The following CD244 variants were observed in gnomAD, a reference collection of about 807,000 sequenced individuals.
CD244 encodes the protein natural killer cell receptor 2B4.
In CD244, 20 loss-of-function variants were observed where a neutral mutation model predicts 45.5. The observed-to-expected ratio is 0.44, with a 90% CI of 0.31 to 0.64. CD244 has a LOEUF of 0.64. Among genes scored for constraint, CD244 ranks in the 30% least tolerant of loss-of-function variants. CD244 has a pLI of 0.08. For missense variants in CD244, 407 were observed against 426.9 expected (o/e 0.95, Z 0.41); for synonymous variants, 185 against 160.5 (o/e 1.15, Z -1.15).
chr1:160,845,299 G>A (rs183858642), intron 1 of CD244, among the ~76,000 whole-genome samples: 3 of 152,192 alleles, frequency 2.0e-5, no homozygotes, highest in Admixed American at 2.0e-4. Context: ...CCATTGAAAA[G>A]AGAATTAGAA....
rs574139291 is a variant in CD244, at chr1:160,857,277, G to A, written c.61+5340C>T. Among the ~76,000 whole-genome samples, 200 of 152,272 alleles carry A rather than the reference G, an allele frequency of 1.3e-3. 5 individuals are homozygous for A. In the South Asian group the frequency reaches 0.03, roughly 23 times the overall value. ...GTTTGACAGCATCTGCTAGAGTTACGTACACATACTCCATGGTTCTGCCCC... is the reference window on the plus strand; with the variant it reads ...GTTTGACAGCATCTGCTAGAGTTACATACACATACTCCATGGTTCTGCCCC... On this transcript the variant is annotated intron_variant, in intron 1 of 8. Transcript: ENST00000368034.
Position 160,836,241 on chromosome 1 carries a change from G to A in CD244, c.848C>T (p.Thr283Ile), listed in dbSNP as rs758694341. 5 of 1,613,538 alleles carry A rather than the reference G, an allele frequency of 3.1e-6. No individual in the cohort carries two copies. The highest frequency in any genetic ancestry group is 1.7e-6 in the Non-Finnish European group (2 of 1,179,610). The stretch of plus-strand genomic sequence containing the variant: ...GATGGTGCTCCCCCCTCCAGGAAAA[G>A]TCTGCTCCTGCTCCTGCACAAGAAA... Reference protein sequence around the residue: ...KTRRNHEQEQTFPGGGSTIYS... With the variant: ...KTRRNHEQEQIFPGGGSTIYS... The change falls in exon 6 of 9, where the codon ACT becomes ATT. Residue 283 changes from threonine (T) to isoleucine (I), a missense_variant. Physicochemically the swap from Thr to Ile is moderately conservative, Grantham distance 89. Transcript: ENST00000368034.
Position 160,832,868 on chromosome 1 carries a change from G to C in CD244, c.961-293C>G, listed in dbSNP as rs892005790. On this transcript the variant is annotated intron_variant, in intron 7 of 8. Coordinates refer to ENST00000368034, the MANE Select transcript of CD244 (RefSeq NM_016382.4). ...AACCCATACACATATGTGTGTGTGT[G>C]TGTATATATATATATATATACACAC... 119 of 316,164 alleles carry C rather than the reference G, an allele frequency of 3.8e-4. No homozygotes were observed. In the East Asian group the frequency reaches 7.4e-3, roughly 20 times the overall value. The allele number at this position is 316,164 out of a possible 1,614,324, so 19.6% of individuals were successfully genotyped here.
intron 1 of CD244, chr1:160,848,599 C>G: frequency 5.6e-6 from 2 of 358,602 alleles, no homozygotes; most frequent in Non-Finnish European, 1.1e-5. Flanking sequence ...AGAATCTGAA[C>G]AGACAGGCCT....
intron 7 of CD244, among the ~76,000 whole-genome samples, chr1:160,832,960 CAT>C (rs1669188396): frequency 1.8e-3 from 48 of 26,612 alleles, no homozygotes; most frequent in Admixed American, 8.3e-4. Flanking sequence ...CACACATACA[CAT>C]ACACATACAC....
intron 1 of CD244, among the ~76,000 whole-genome samples, chr1:160,860,446 A>C (rs1254659319): frequency 7.0e-6 from 1 of 143,788 alleles, no homozygotes; most frequent in Non-Finnish European, 1.5e-5. Flanking sequence ...TTGGGTCAGC[A>C]AAAAAAAAAA....
At chr1:160,847,688 C>A (rs1451840764) in intron 1 of CD244, among the ~76,000 whole-genome samples, 1 of 151,982 alleles carries the variant, frequency 6.6e-6, no homozygotes, top group African/African-American at 2.4e-5. Context: ...ATAGCTAAGG[C>A]AGTGTTTAGA....
At chr1:160,855,060 G>A (rs1457855071) in intron 1 of CD244, among the ~76,000 whole-genome samples, 1 of 152,200 alleles carries the variant, frequency 6.6e-6, no homozygotes, top group Non-Finnish European at 1.5e-5. Context: ...CCTCAGCAGA[G>A]GCAAATGTGG....
At chr1:160,843,012 A>G (rs1039706958) in intron 1 of CD244, among the ~76,000 whole-genome samples, 1 of 152,172 alleles carries the variant, frequency 6.6e-6, no homozygotes, top group African/African-American at 2.4e-5. Flanking sequence ...GAGTTTTACA[A>G]GTGGCTCCGT....
chr1:160,831,679 C>T (rs1413791819), intron 8 of CD244, among the ~76,000 whole-genome samples: 1 of 152,218 alleles, frequency 6.6e-6, no homozygotes, highest in African/African-American at 2.4e-5. Context: ...TGGGTCTACA[C>T]AGTGCCCTCT....
At chr1:160,849,283 C>CTTTTTTTTTTTTTTTTT (rs371170555) in intron 1 of CD244, among the ~76,000 whole-genome samples, 6 of 139,326 alleles carry the variant, frequency 4.3e-5, no homozygotes, top group Non-Finnish European at 4.6e-5. Context: ...CCATCTCTTT[C>CTTTTTTTTTTTTTTTTT]TTTTTTTTTT....
chr1:160,841,165 G>T, intron 3 of CD244, 45 bp downstream of exon 3: 1 of 1,594,322 alleles, frequency 6.3e-7, no homozygotes, highest in East Asian at 2.2e-5. Flanking sequence ...TGGTTGCGGG[G>T]TCCAAACCTT....
At chr1:160,856,799 A>T (rs1262292756) in intron 1 of CD244, among the ~76,000 whole-genome samples, 1 of 152,220 alleles carries the variant, frequency 6.6e-6, no homozygotes, top group East Asian at 1.9e-4. Context: ...CACAGGCAAC[A>T]GAAGCAAAAT....
chr1:160,842,072 A>G (rs1343014164), intron 1 of CD244, among the ~76,000 whole-genome samples, 171 bp from the exon 2 acceptor site: 1 of 152,152 alleles, frequency 6.6e-6, no homozygotes, highest in East Asian at 1.9e-4. Flanking sequence ...CTTGTCCCCA[A>G]GCTCTGTGTC....
intron 1 of CD244, among the ~76,000 whole-genome samples, chr1:160,856,781 C>T (rs1331457801): frequency 6.6e-6 from 1 of 151,730 alleles, no homozygotes; most frequent in Non-Finnish European, 1.5e-5. Flanking sequence ...TGAATAAGAC[C>T]TCAAAAGCAC....
intron 1 of CD244, among the ~76,000 whole-genome samples, chr1:160,847,270 ATCTGTCTC>A (rs2101881340): frequency 1.3e-5 from 2 of 152,128 alleles, no homozygotes; most frequent in East Asian, 3.9e-4. Context: ...GTTTTATTAC[ATCTGTCTC>A]TCTAGCTGCT....
intron 3 of CD244, chr1:160,839,264 G>T: frequency 2.1e-6 from 1 of 478,708 alleles, no homozygotes; most frequent in Non-Finnish European, 3.7e-6. Flanking sequence ...AGACAGGCCT[G>T]GCTCAAATTC....
chr1:160,852,463 T>C (rs557884630), intron 1 of CD244, among the ~76,000 whole-genome samples: 1 of 152,076 alleles, frequency 6.6e-6, no homozygotes, highest in East Asian at 1.9e-4. Context: ...GCAGGAGAAT[T>C]GCTTGAACCC....
chr1:160,834,764 T>C (rs944456045), intron 6 of CD244, among the ~76,000 whole-genome samples: 1 of 152,226 alleles, frequency 6.6e-6, no homozygotes, highest in South Asian at 2.1e-4. Flanking sequence ...GCGTACACAG[T>C]AGAAGCAGAA....
Sources: allele counts gnomAD v4.1 joint callset (sites outside exome capture counted in the v4.1 genomes callset), GRCh38; gene constraint gnomAD v4.1.1; transcripts MANE v1.5; gene names NCBI Gene and HGNC (gene_info 2026-07-23, HGNC 2026-07-21).